ACSM2A: variants seen among roughly 807,000 people sequenced by gnomAD.
The protein encoded by ACSM2A is acyl-coenzyme A synthetase ACSM2A, mitochondrial.
A neutral mutation model predicts 76.6 loss-of-function variants in ACSM2A; 72 were observed. The observed-to-expected ratio is 0.94, with a 90% CI of 0.78 to 1.14. The LOEUF (loss-of-function observed/expected upper bound fraction) is 1.14. ACSM2A is among the 50% of genes most tolerant of loss of function. ACSM2A has a pLI of 0.00. For synonymous variants in ACSM2A, 249 were observed against 255.9 expected (o/e 0.97, Z 0.26); for missense variants, 684 against 708.5 (o/e 0.97, Z 0.39).
intron 10 of ACSM2A, among the ~76,000 whole-genome samples, chr16:20,479,903 CT>C (rs1280373329): frequency 1.1e-4 from 16 of 152,216 alleles, no homozygotes; most frequent in Non-Finnish European, 2.4e-4. Context: ...CTTGATGTCT[CT>C]GGTCATCAGT....
chr16:20,458,915 TA>T (rs1567356922), intron 1 of ACSM2A, among the ~76,000 whole-genome samples: 111 of 58,810 alleles, frequency 1.9e-3, no homozygotes, highest in African/African-American at 9.2e-3. Context: ...CATATATATA[TA>T]TATATATATA....
intron 2 of ACSM2A, among the ~76,000 whole-genome samples, chr16:20,462,584 A>G (rs2012691053): frequency 6.6e-6 from 1 of 152,156 alleles, no homozygotes. Flanking sequence ...AATTGCTGAC[A>G]TGTTTTGTTT....
chr16:20,461,684 C>T (rs367721426), intron 2 of ACSM2A, among the ~76,000 whole-genome samples: 12 of 152,126 alleles, frequency 7.9e-5, no homozygotes, highest in African/African-American at 2.9e-4. Context: ...ACTCAAATGG[C>T]CATTAAATAT....
At chr16:20,458,257 T>C (rs2012318605) in intron 1 of ACSM2A, among the ~76,000 whole-genome samples, 5 of 149,474 alleles carry the variant, frequency 3.3e-5, no homozygotes, top group African/African-American at 4.9e-5. Context: ...TCAGTGCAAT[T>C]CCCATCAAAA....
rs146620991 is a variant in ACSM2A, at chr16:20,470,555, C to T, written c.597-518C>T. Reference sequence around the variant, plus strand: ...AGGTAGCTGTCATGGAAATAAACACCATCATGCCTGCTTTTAAAGGCTCAA... The same window carrying T: ...AGGTAGCTGTCATGGAAATAAACACTATCATGCCTGCTTTTAAAGGCTCAA... On this transcript the variant is annotated intron_variant, in intron 4 of 13. Transcript: ENST00000573854. Among the ~76,000 whole-genome samples, 308 of 152,214 alleles carry T rather than the reference C, an allele frequency of 2.0e-3. 1 individual carries two copies. The highest frequency in any genetic ancestry group is 7.0e-3 in the African/African-American group (292 of 41,530).
At chr16:20,476,516 C>A (rs903188334) in intron 8 of ACSM2A, 2 of 985,360 alleles carry the variant, frequency 2.0e-6, no homozygotes, top group African/African-American at 3.5e-5. Context: ...AAGAGCTCTG[C>A]AAATATGAAT....
In ACSM2A at chr16:20,475,674, C is replaced by T. The variant is rs2013693077; in HGVS notation, c.999C>T (p.Asn333=). The T allele has an allele frequency of 6.2e-7, 1 of 1,614,068 alleles. No homozygotes were observed. Among genetic ancestry groups the T allele is most frequent in the African/African-American group, 1.3e-5 (1 of 75,032 alleles). Reference sequence around the variant, plus strand: ...GTTACAAGTTCCCCCATCTACAGAACTGCGTCACTGTAGGGGAGTCCCTTC... The same window carrying T: ...GTTACAAGTTCCCCCATCTACAGAATTGCGTCACTGTAGGGGAGTCCCTTC... ...LSSYKFPHLQ[N]CVTVGESLLP... The change falls in exon 8 of 14, where the codon AAC becomes AAT. Residue 333 remains asparagine (N), a synonymous_variant. Coordinates refer to ENST00000573854, the MANE Select transcript of ACSM2A (RefSeq NM_001308172.2).
At chr16:20,472,489 T>C (rs1356104013) in intron 6 of ACSM2A, among the ~76,000 whole-genome samples, 1 of 152,182 alleles carries the variant, frequency 6.6e-6, no homozygotes, top group Non-Finnish European at 1.5e-5. Flanking sequence ...TGCCTCCAAA[T>C]ACCATCAAGT....
chr16:20,466,171 T>C (rs1378963585), intron 3 of ACSM2A, among the ~76,000 whole-genome samples: 1 of 151,856 alleles, frequency 6.6e-6, no homozygotes, highest in Non-Finnish European at 1.5e-5. Context: ...CAGTGGCAAC[T>C]TGAGTAGTTG....
At chr16:20,461,309 G>A (rs953626330) in intron 2 of ACSM2A, among the ~76,000 whole-genome samples, 4 of 151,076 alleles carry the variant, frequency 2.6e-5, no homozygotes, top group African/African-American at 9.8e-5. Context: ...AAAAAATAAG[G>A]TTCAACATTT....
At chr16:20,476,580 G>T in intron 8 of ACSM2A, 1 of 985,482 alleles carries the variant, frequency 1.0e-6, no homozygotes, top group South Asian at 4.7e-5. Flanking sequence ...CCACCATTCA[G>T]AGGAGGACAT....
Position 20,469,501 on chromosome 16 carries a change from G to T in ACSM2A, c.389-11G>T, listed in dbSNP as rs1001056616. ...ATCCTTTCCAATTCTCTAAATTGTTGGCTTCTTTAGGTCTCATCTTTATGC... is the reference window on the plus strand; with the variant it reads ...ATCCTTTCCAATTCTCTAAATTGTTTGCTTCTTTAGGTCTCATCTTTATGC... On this transcript the variant is annotated splice_polypyrimidine_tract_variant and intron_variant, in intron 3 of 13. Coordinates refer to ENST00000573854, the MANE Select transcript of ACSM2A (RefSeq NM_001308172.2). 6.2e-6 allele frequency: 10 copies of T among 1,610,298 alleles called. No homozygotes were observed. The African/African-American group carries it at 1.1e-4, about 17-fold the overall frequency.
In ACSM2A at chr16:20,475,393, T is replaced by C; in HGVS notation, c.926T>C (p.Met309Thr). The change falls in exon 7 of 14, where the codon ATG becomes ACG. Residue 309 changes from methionine (M) to threonine (T), a missense_variant. Transcript: ENST00000573854. ...TCCAGTTATCCAATCAAGAGTATGA[T>C]GGGTGCCCCCATTGTTTACCGGATG... ...TLSSYPIKSM[M>T]GAPIVYRMLL... 2 of 1,613,832 alleles carry C rather than the reference T, an allele frequency of 1.2e-6. No homozygotes were observed. The highest frequency in any genetic ancestry group is 1.7e-6 in the Non-Finnish European group (2 of 1,179,752).
chr16:20,479,845 G>A (rs557926296), intron 10 of ACSM2A, among the ~76,000 whole-genome samples: 1 of 152,274 alleles, frequency 6.6e-6, no homozygotes, highest in South Asian at 2.1e-4. Flanking sequence ...CCTGGCTTCT[G>A]GTCTCAGTTC....
At position 20,469,497 on chromosome 16, in the gene ACSM2A, T is replaced by C. The variant is rs1363418981; in HGVS notation, c.389-15T>C. On this transcript the variant is annotated splice_polypyrimidine_tract_variant and intron_variant, in intron 3 of 13. Coordinates refer to ENST00000573854, the MANE Select transcript of ACSM2A (RefSeq NM_001308172.2). Reference sequence around the variant, plus strand: ...AATCATCCTTTCCAATTCTCTAAATTGTTGGCTTCTTTAGGTCTCATCTTT... The same window carrying C: ...AATCATCCTTTCCAATTCTCTAAATCGTTGGCTTCTTTAGGTCTCATCTTT... The C allele has an allele frequency of 8.1e-6, 13 of 1,610,412 alleles. No homozygotes were observed. The highest frequency in any genetic ancestry group is 1.0e-5 in the Non-Finnish European group (12 of 1,177,282).
At chr16:20,470,850 G>A in intron 4 of ACSM2A, 1 of 723,212 alleles carries the variant, frequency 1.4e-6, no homozygotes, top group Non-Finnish European at 2.4e-6. Context: ...TAAATAAGTA[G>A]TTTAAGGTTG....
intron 3 of ACSM2A, among the ~76,000 whole-genome samples, chr16:20,468,652 A>G (rs2013167564): frequency 6.6e-6 from 1 of 152,186 alleles, no homozygotes; most frequent in African/African-American, 2.4e-5. Flanking sequence ...GAGCCACCAT[A>G]CCTGGCCCTA....
At chr16:20,482,645 T>C (rs1184073803) in intron 12 of ACSM2A, 1 of 170,828 alleles carries the variant, frequency 5.9e-6, no homozygotes, top group East Asian at 1.5e-4. Context: ...CCCTGCTGTA[T>C]ATGATTTCAT....
At position 20,480,599 on chromosome 16, in the gene ACSM2A, C is replaced by T. The variant is rs775717868; in HGVS notation, c.1308C>T (p.Asn436=). The part of the protein sequence containing the change: ...YVDNPDKTAA[N]IRGDFWLLGD... The stretch of plus-strand genomic sequence containing the variant: ...ACAATCCCGACAAGACAGCAGCCAA[C>T]ATTCGAGGAGACTTTTGGCTCCTTG... Residue 436 remains asparagine, a synonymous_variant, in exon 11 of 14, where the codon AAC becomes AAT. Transcript: ENST00000573854. 33 of 1,613,716 alleles carry T rather than the reference C, an allele frequency of 2.0e-5. No individual in the cohort carries two copies. The Admixed American group carries it at 5.0e-4, about 24-fold the overall frequency.
Sources: allele counts gnomAD v4.1 joint callset (sites outside exome capture counted in the v4.1 genomes callset), GRCh38; gene constraint gnomAD v4.1.1; transcripts MANE v1.5; gene names NCBI Gene and HGNC (gene_info 2026-07-23, HGNC 2026-07-21).